The following CTHRC1 variants were observed in gnomAD, a reference collection of about 807,000 sequenced individuals.
CTHRC1 encodes collagen triple helix repeat-containing protein 1.
Under a neutral mutation model 25.9 loss-of-function variants are expected in CTHRC1, and 21 were observed. That is an observed-to-expected ratio of 0.81 (90% CI 0.57 to 1.17). CTHRC1 has a LOEUF of 1.17. Ranked by LOEUF, CTHRC1 falls within the 50% of genes most tolerant of loss-of-function variation. The pLI is 0.00. For synonymous variants in CTHRC1, 109 were observed against 113.1 expected (o/e 0.96, Z 0.23); for missense variants, 281 against 304.3 (o/e 0.92, Z 0.57).
chr8:103,376,070 A>C, intron 2 of CTHRC1, 111 bp downstream of exon 2: 1 of 810,070 alleles, frequency 1.2e-6, no homozygotes. Flanking sequence ...TAAAAAAGAG[A>C]AGTAGGTAGC....
intron 3 of CTHRC1, among the ~76,000 whole-genome samples, chr8:103,379,519 T>C (rs1490588179): frequency 6.6e-6 from 1 of 151,960 alleles, no homozygotes; most frequent in Non-Finnish European, 1.5e-5. Context: ...GAGACACCAC[T>C]ATCAATATTT....
intron 1 of CTHRC1, among the ~76,000 whole-genome samples, chr8:103,374,239 T>C (rs1048571654): frequency 6.6e-6 from 1 of 152,148 alleles, no homozygotes; most frequent in African/African-American, 2.4e-5. Context: ...TCTAATTATA[T>C]AGGATTCTTC....
rs1451575075 is a variant in CTHRC1 at position 103,371,749 on chromosome 8, T to G, written c.93T>G (p.Ser31=). ...AGCTGCCCGCGCCGTCGAGCGCCTC[T>G]GAGATCCCCAAGGGGAAGCAAAAGG... ...LLQLPAPSSA[S]EIPKGKQKAQ... The change falls in exon 1 of 4, where the codon TCT becomes TCG. Residue 31 remains serine (S), a synonymous_variant. Transcript: ENST00000330295. 2 of 1,536,600 alleles carry G rather than the reference T, an allele frequency of 1.3e-6. No individual in the cohort carries two copies. Among genetic ancestry groups the G allele is most frequent in the Non-Finnish European group, 1.8e-6 (2 of 1,142,188 alleles).
intron 3 of CTHRC1, among the ~76,000 whole-genome samples, chr8:103,381,523 G>GCTAC (rs1815910320): frequency 6.6e-6 from 1 of 151,580 alleles, no homozygotes; most frequent in Non-Finnish European, 1.5e-5. Flanking sequence ...ATTGTTAGTA[G>GCTAC]GTGAAAGTCC....
intron 1 of CTHRC1, chr8:103,372,319 T>A: frequency 1.4e-6 from 1 of 738,160 alleles, no homozygotes; most frequent in East Asian, 3.2e-5. Flanking sequence ...CCACAAAGCA[T>A]CCGTCCAACT....
intron 3 of CTHRC1, among the ~76,000 whole-genome samples, chr8:103,381,611 T>G (rs1398913212): frequency 6.6e-6 from 1 of 152,132 alleles, no homozygotes; most frequent in East Asian, 1.9e-4. Context: ...CTGTTTTATG[T>G]TTTTTCACTA....
chr8:103,381,885 C>T (rs1815917868), intron 3 of CTHRC1, among the ~76,000 whole-genome samples: 1 of 151,940 alleles, frequency 6.6e-6, no homozygotes. Flanking sequence ...GTAGTCCCAG[C>T]TACTCAGGAG....
intron 2 of CTHRC1, 87 bp downstream of exon 2, chr8:103,376,046 T>TG (rs1233534843): frequency 1.8e-6 from 2 of 1,090,412 alleles, no homozygotes; most frequent in Non-Finnish European, 2.7e-6. Flanking sequence ...TTATTTTTTT[T>TG]TAACTAAAAG....
intron 2 of CTHRC1, chr8:103,377,395 T>C (rs933693431): frequency 6.5e-6 from 1 of 154,632 alleles, no homozygotes; most frequent in Non-Finnish European, 1.4e-5. Flanking sequence ...TAAATATTTT[T>C]TGAATGCAAA....
Position 103,371,746 on chromosome 8 carries a change from C to T in CTHRC1, c.90C>T (p.Ala30=). 2 of 1,536,990 alleles carry T rather than the reference C, an allele frequency of 1.3e-6. No individual in the cohort carries two copies. Among genetic ancestry groups the T allele is most frequent in the Non-Finnish European group, 1.8e-6 (2 of 1,142,396 alleles). Residue 30 remains alanine, a synonymous_variant, in exon 1 of 4, where the codon GCC becomes GCT. Transcript: ENST00000330295. ...LLLQLPAPSS[A]SEIPKGKQKA... ...TGCAGCTGCCCGCGCCGTCGAGCGC[C>T]TCTGAGATCCCCAAGGGGAAGCAAA...
chr8:103,378,374 A>G (rs532049208), intron 3 of CTHRC1, 131 bp downstream of exon 3: 1 of 738,746 alleles, frequency 1.4e-6, no homozygotes, highest in South Asian at 1.5e-5. Flanking sequence ...ATGATTCTCC[A>G]CCCTGGGTTG....
At chr8:103,378,364 A>G in intron 3 of CTHRC1, 121 bp downstream of exon 3, 2 of 761,182 alleles carry the variant, frequency 2.6e-6, no homozygotes, top group Non-Finnish European at 4.5e-6. Flanking sequence ...TTTTCAATGC[A>G]TGATTCTCCA....
At chr8:103,379,624 A>G (rs868323347) in intron 3 of CTHRC1, among the ~76,000 whole-genome samples, 1 of 152,228 alleles carries the variant, frequency 6.6e-6, no homozygotes, top group Non-Finnish European at 1.5e-5. Context: ...ATGCCTTTTC[A>G]TAGAAGAAAA....
intron 1 of CTHRC1, among the ~76,000 whole-genome samples, chr8:103,375,279 G>A (rs576326403): frequency 1.3e-5 from 2 of 152,128 alleles, no homozygotes; most frequent in East Asian, 3.9e-4. Flanking sequence ...AGGCTGTATG[G>A]ATATTTTCAT....
chr8:103,382,773 T>G lies in CTHRC1; in HGVS notation c.*173T>G, dbSNP rs888859198. The G allele has an allele frequency of 6.0e-5, 42 of 699,246 alleles. No homozygotes were observed. The highest frequency in any genetic ancestry group is 1.8e-4 in the Admixed American group (8 of 43,878). The allele number at this position is 699,246 out of a possible 1,614,324, so 43.3% of individuals were successfully genotyped here. A position where few individuals can be genotyped will look rare whatever the true frequency, so the allele number is the denominator to read the frequency against. On this transcript the variant is annotated 3_prime_UTR_variant, in exon 4 of 4. Coordinates refer to ENST00000330295, the MANE Select transcript of CTHRC1 (RefSeq NM_138455.4). ...TTAAATCTAGCATTATTCATTTTGC[T>G]TCAATCAAAAGTGGTTTCAATATTT...
chr8:103,378,765 C>T (rs1424698349), intron 3 of CTHRC1, among the ~76,000 whole-genome samples: 1 of 152,064 alleles, frequency 6.6e-6, no homozygotes, highest in Non-Finnish European at 1.5e-5. Context: ...CCTGTAATCC[C>T]AGCACTTTGG....
In CTHRC1 at chr8:103,382,744, G is replaced by A. The variant is rs1815936598; in HGVS notation, c.*144G>A. ...ACAGACCAAAGTGTGATTTCACACT[G>A]TTTTTAAATCTAGCATTATTCATTT... On this transcript the variant is annotated 3_prime_UTR_variant, in exon 4 of 4. Coordinates refer to ENST00000330295, the MANE Select transcript of CTHRC1 (RefSeq NM_138455.4). The A allele has an allele frequency of 4.9e-6, 4 of 811,632 alleles. No individual in the cohort carries two copies. Among genetic ancestry groups the A allele is most frequent in the Non-Finnish European group, 8.5e-6 (4 of 468,544 alleles). The allele number at this position is 811,632 out of a possible 1,614,324, so 50.3% of individuals were successfully genotyped here. A position where few individuals can be genotyped will look rare whatever the true frequency, so the allele number is the denominator to read the frequency against.
Position 103,382,890 on chromosome 8 carries a change from A to G in CTHRC1, c.*290A>G, listed in dbSNP as rs1374500119. On this transcript the variant is annotated 3_prime_UTR_variant, in exon 4 of 4. Transcript: ENST00000330295. ...GTGGTCTTTTGTTTTTTCTCTTAGTATAGCATTTTTAAAAAAATATAAAAG... is the reference window on the plus strand; with the variant it reads ...GTGGTCTTTTGTTTTTTCTCTTAGTGTAGCATTTTTAAAAAAATATAAAAG... 2.8e-5 allele frequency: 7 copies of G among 249,044 alleles called. No homozygotes were observed. Among genetic ancestry groups the G allele is most frequent in the Admixed American group, 1.0e-4 (2 of 19,688 alleles). 15.4% of individuals were successfully genotyped at this position (249,044 alleles called of 1,614,324 possible).
At chr8:103,380,491 C>T (rs1347681517) in intron 3 of CTHRC1, among the ~76,000 whole-genome samples, 2 of 152,188 alleles carry the variant, frequency 1.3e-5, no homozygotes, top group African/African-American at 4.8e-5. Context: ...GTTAGCATAT[C>T]AGAGGATGGC....
Sources: gnomAD v4.1 joint callset for allele counts (sites outside exome capture counted in the v4.1 genomes callset) on GRCh38, gnomAD v4.1.1 for gene constraint, MANE v1.5 for transcripts, NCBI Gene and HGNC (gene_info 2026-07-23, HGNC 2026-07-21) for gene names.